DLGAP1: variants seen among roughly 807,000 people sequenced by gnomAD.
DLGAP1 encodes the protein disks large-associated protein 1.
Under a neutral mutation model 90.8 loss-of-function variants are expected in DLGAP1, and 11 were observed. The ratio of observed to expected loss-of-function variants is 0.12; its 90% CI spans 0.08 to 0.20. The LOEUF is 0.20. Among genes scored for constraint, DLGAP1 ranks in the 10% least tolerant of loss-of-function variants. The pLI is 1.00. For missense variants in DLGAP1, 1,050 were observed against 1,333.8 expected (o/e 0.79, Z 3.31); for synonymous variants, 558 against 540.7 (o/e 1.03, Z -0.44).
At chr18:3,839,489 G>A (rs558181247) in intron 4 of DLGAP1, among the ~76,000 whole-genome samples, 6 of 152,228 alleles carry the variant, frequency 3.9e-5, no homozygotes, top group African/African-American at 1.4e-4. Context: ...TTGAGTGATG[G>A]GAAAGACTTT....
intron 5 of DLGAP1, among the ~76,000 whole-genome samples, chr18:3,749,520 G>C (rs914187636): frequency 1.3e-4 from 19 of 151,988 alleles, no homozygotes; most frequent in African/African-American, 3.4e-4. Context: ...CCTCTAACTT[G>C]CCCTTACATG....
At chr18:4,066,380 G>T (rs1366108878) in intron 2 of DLGAP1, among the ~76,000 whole-genome samples, 1 of 152,010 alleles carries the variant, frequency 6.6e-6, no homozygotes, top group Non-Finnish European at 1.5e-5. Context: ...ACTATCAACA[G>T]AGTAAACAGA....
intron 10 of DLGAP1, among the ~76,000 whole-genome samples, chr18:3,524,652 G>T (rs1173037152): frequency 1.3e-5 from 2 of 152,148 alleles, no homozygotes; most frequent in Non-Finnish European, 2.9e-5. Context: ...AGTGGCTGAG[G>T]CAGGCAGATC....
intron 1 of DLGAP1, among the ~76,000 whole-genome samples, chr18:4,212,542 C>T (rs145007850): frequency 0.022 from 3,218 of 145,902 alleles, 43 homozygotes; most frequent in Middle Eastern, 0.036. Context: ...TGTGGTGGTG[C>T]GTGCCTGTAA....
intron 3 of DLGAP1, chr18:3,897,040 A>G (rs1298841589): frequency 6.6e-6 from 1 of 152,234 alleles, no homozygotes; most frequent in Non-Finnish European, 1.5e-5. Flanking sequence ...TCTTCATCAA[A>G]CCGAAGAATA....
chr18:3,546,239 A>G (rs1408122985), intron 9 of DLGAP1, among the ~76,000 whole-genome samples: 1 of 152,092 alleles, frequency 6.6e-6, no homozygotes, highest in East Asian at 1.9e-4. Context: ...TCTGGGCAAC[A>G]TGGTGAAACG....
intron 3 of DLGAP1, chr18:3,995,234 T>C (rs935210421): frequency 6.6e-6 from 1 of 152,052 alleles, no homozygotes; most frequent in Non-Finnish European, 1.5e-5. Context: ...TGAGCTGAAA[T>C]GGAGTGAGAG....
At chr18:3,943,907 A>G (rs2072823600) in intron 3 of DLGAP1, among the ~76,000 whole-genome samples, 1 of 152,194 alleles carries the variant, frequency 6.6e-6, no homozygotes, top group Non-Finnish European at 1.5e-5. Context: ...AGGACAGAGG[A>G]AAAAGACAGC....
chr18:3,731,852 C>A (rs1327662215), intron 6 of DLGAP1, among the ~76,000 whole-genome samples: 1 of 152,128 alleles, frequency 6.6e-6, no homozygotes, highest in Non-Finnish European at 1.5e-5. Context: ...CTACCCAGAT[C>A]AAGAAGCAAA....
rs2067976072 is a variant in DLGAP1, at chr18:4,123,170, A to G, written c.-159+28010T>C. Among the ~76,000 whole-genome samples the G allele has an allele frequency of 2.6e-5, 4 of 152,238 alleles. No homozygotes were observed. The South Asian group carries it at 8.3e-4, about 32-fold the overall frequency. On this transcript the variant is annotated intron_variant, in intron 2 of 12. Coordinates refer to ENST00000315677, the MANE Select transcript of DLGAP1 (RefSeq NM_004746.4). ...TCAACGGACAAGATGGGAGGAGGGA[A>G]GCACCAGCCTATGTAGGTGGGTGGT...
intron 4 of DLGAP1, among the ~76,000 whole-genome samples, chr18:3,827,416 AC>A (rs2067780781): frequency 6.6e-6 from 1 of 152,156 alleles, no homozygotes; most frequent in African/African-American, 2.4e-5. Context: ...GAAAGGAGTA[AC>A]GTACTGTCAC....
intron 7 of DLGAP1, among the ~76,000 whole-genome samples, chr18:3,588,117 A>G (rs776995427): frequency 5.9e-5 from 9 of 152,226 alleles, no homozygotes; most frequent in Non-Finnish European, 1.3e-4. Context: ...TTCAGTGGAT[A>G]CTGTAGTGCA....
Position 4,334,798 on chromosome 18 carries a change from A to G in DLGAP1, c.-267+120208T>C, listed in dbSNP as rs114704285. 2.9e-3 allele frequency among the ~76,000 whole-genome samples: 438 copies of G among 152,018 alleles called. 9 individuals are homozygous for G. The highest frequency in any genetic ancestry group is 0.01 in the African/African-American group (424 of 41,278). On this transcript the variant is annotated intron_variant, in intron 1 of 12. Coordinates refer to ENST00000315677, the MANE Select transcript of DLGAP1 (RefSeq NM_004746.4). ...ATCTGTTTTAAGAATGATTTTAAAT[A>G]GAAGCAATATATTCCTTTGAGTTTG...
intron 7 of DLGAP1, among the ~76,000 whole-genome samples, chr18:3,637,718 G>A (rs867824530): frequency 7.2e-5 from 11 of 151,796 alleles, no homozygotes; most frequent in Middle Eastern, 6.8e-3. Context: ...CTGCAATCCA[G>A]CTTAGGCAAC....
chr18:4,426,921 T>C (rs1477732591), intron 1 of DLGAP1, among the ~76,000 whole-genome samples: 1 of 152,044 alleles, frequency 6.6e-6, no homozygotes, highest in Non-Finnish European at 1.5e-5. Context: ...AATAAACATA[T>C]GAAGTGACTT....
At chr18:4,021,851 A>G (rs2074615424) in intron 2 of DLGAP1, among the ~76,000 whole-genome samples, 1 of 152,172 alleles carries the variant, frequency 6.6e-6, no homozygotes, top group South Asian at 2.1e-4. Context: ...TGCCTGTCTC[A>G]GCCTCCCAAA....
intron 3 of DLGAP1, chr18:3,977,899 C>A: frequency 2.7e-6 from 1 of 370,732 alleles, no homozygotes; most frequent in South Asian, 2.1e-5. Flanking sequence ...TCTGGCAGGT[C>A]AGGTCCATGA....
intron 2 of DLGAP1, among the ~76,000 whole-genome samples, chr18:4,066,890 G>A (rs2075377935): frequency 6.6e-6 from 1 of 152,084 alleles, no homozygotes; most frequent in South Asian, 2.1e-4. Context: ...GTTCATTGCA[G>A]CACTATTCAC....
intron 2 of DLGAP1, among the ~76,000 whole-genome samples, chr18:4,144,811 T>C (rs2076557699): frequency 6.6e-6 from 1 of 152,224 alleles, no homozygotes; most frequent in Non-Finnish European, 1.5e-5. Flanking sequence ...TAGCATATGA[T>C]AAGAATATGC....
Sources: allele counts gnomAD v4.1 joint callset (sites outside exome capture counted in the v4.1 genomes callset), GRCh38; gene constraint gnomAD v4.1.1; transcripts MANE v1.5; gene names NCBI Gene and HGNC (gene_info 2026-07-23, HGNC 2026-07-21).